Variants in COL13A1 observed in about 807,000 individuals in gnomAD.
COL13A1 encodes the protein collagen alpha-1(XIII) chain.
Under a neutral mutation model 130.9 loss-of-function variants are expected in COL13A1, and 89 were observed. That is an observed-to-expected ratio of 0.68 (90% CI 0.57 to 0.81). COL13A1 has a LOEUF of 0.81. COL13A1 is among the 30% of genes least tolerant of loss of function. The pLI, the probability that COL13A1 is intolerant of heterozygous loss-of-function variation, is 0.00. For missense variants in COL13A1, 879 were observed against 934.6 expected (o/e 0.94, Z 0.78); for synonymous variants, 402 against 341.6 (o/e 1.18, Z -1.95).
chr10:69,931,087 T>C, intron 30 of COL13A1: 1 of 444,626 alleles, frequency 2.2e-6, no homozygotes, highest in Non-Finnish European at 4.6e-6. Flanking sequence ...CCACATCCTG[T>C]GCAGGCCACA....
intron 2 of COL13A1, among the ~76,000 whole-genome samples, chr10:69,828,811 G>C (rs1018993996): frequency 2.0e-5 from 3 of 152,208 alleles, no homozygotes; most frequent in Admixed American, 1.3e-4. Flanking sequence ...CAAGTAATTT[G>C]TCCTAAAATG....
At chr10:69,885,416 A>G (rs569978067) in intron 7 of COL13A1, among the ~76,000 whole-genome samples, 1 of 152,356 alleles carries the variant, frequency 6.6e-6, no homozygotes, top group African/African-American at 2.4e-5. Context: ...ATAATTGAAG[A>G]GACATAAATT....
intron 2 of COL13A1, among the ~76,000 whole-genome samples, chr10:69,861,553 C>T (rs1378479803): frequency 6.6e-6 from 1 of 152,162 alleles, no homozygotes; most frequent in East Asian, 1.9e-4. Context: ...GCCTCTCCAC[C>T]TCCGTCTCTG....
intron 21 of COL13A1, among the ~76,000 whole-genome samples, chr10:69,921,015 T>C (rs2064594016): frequency 6.6e-6 from 1 of 152,044 alleles, no homozygotes; most frequent in South Asian, 2.1e-4. Context: ...TAGGGAAGTG[T>C]ATTATTTTGC....
At chr10:69,830,498 A>G (rs1848559607) in intron 2 of COL13A1, among the ~76,000 whole-genome samples, 1 of 152,258 alleles carries the variant, frequency 6.6e-6, no homozygotes, top group South Asian at 2.1e-4. Context: ...GAGAATATTT[A>G]CAATATAAGT....
intron 14 of COL13A1, among the ~76,000 whole-genome samples, chr10:69,900,906 G>A (rs182505335): frequency 6.6e-5 from 10 of 152,258 alleles, no homozygotes; most frequent in East Asian, 5.8e-4. Context: ...GACTTGTGAC[G>A]TTATGAAGAT....
At chr10:69,865,915 C>T (rs1278638255) in intron 2 of COL13A1, among the ~76,000 whole-genome samples, 7 of 152,126 alleles carry the variant, frequency 4.6e-5, no homozygotes, top group Non-Finnish European at 2.9e-5. Flanking sequence ...GCTGCATGGC[C>T]CTGGGGAGTC....
At chr10:69,931,545 A>G (rs1327488088) in intron 30 of COL13A1, among the ~76,000 whole-genome samples, 2 of 152,148 alleles carry the variant, frequency 1.3e-5, no homozygotes, top group Admixed American at 1.3e-4. Context: ...TCCTCTAGGA[A>G]GTGGAAAGAG....
At chr10:69,905,063 C>G (rs1194131781) in intron 16 of COL13A1, 104 bp downstream of exon 16, 2 of 1,311,156 alleles carry the variant, frequency 1.5e-6, no homozygotes, top group Non-Finnish European at 2.1e-6. Context: ...AGAGAGGGAT[C>G]TCAGCTGAGA....
At position 69,802,147 on chromosome 10, in the gene COL13A1, G is replaced by T. The variant is rs1238703701; in HGVS notation, c.-277G>T. 2 of 401,864 alleles carry T rather than the reference G, an allele frequency of 5.0e-6. No individual in the cohort carries two copies. The highest frequency in any genetic ancestry group is 8.7e-6 in the Non-Finnish European group (2 of 229,478). The allele number at this position is 401,864 out of a possible 1,614,324, so 24.9% of individuals were successfully genotyped here. On this transcript the variant is annotated 5_prime_UTR_variant, in exon 1 of 41. Transcript: ENST00000645393. Reference sequence around the variant, plus strand: ...AGACTGGGCGGAGAGAAGGAGAGCCGGTCAGATTCCCCTAACTTTCCTGGA... The same window carrying T: ...AGACTGGGCGGAGAGAAGGAGAGCCTGTCAGATTCCCCTAACTTTCCTGGA...
At chr10:69,922,835 T>C (rs2064859412) in intron 23 of COL13A1, 41 bp downstream of exon 23, 1 of 1,397,078 alleles carries the variant, frequency 7.2e-7, no homozygotes, top group African/African-American at 1.5e-5. Flanking sequence ...GGTGCTTACC[T>C]GGGGACTTTG....
intron 30 of COL13A1, 63 bp downstream of exon 30, chr10:69,930,615 G>C: frequency 1.3e-6 from 2 of 1,542,118 alleles, no homozygotes; most frequent in Non-Finnish European, 1.7e-6. Flanking sequence ...CGCCAGCTTT[G>C]CAGGGCTTTG....
intron 30 of COL13A1, among the ~76,000 whole-genome samples, chr10:69,930,760 T>G (rs1020261150): frequency 6.6e-6 from 1 of 152,210 alleles, no homozygotes; most frequent in Admixed American, 6.5e-5. Context: ...ACCTGAGTTG[T>G]GCTCTGTCAT....
chr10:69,844,864 T>C (rs1397394022), intron 2 of COL13A1, among the ~76,000 whole-genome samples: 1 of 152,240 alleles, frequency 6.6e-6, no homozygotes, highest in African/African-American at 2.4e-5. Context: ...GCAGATGGGA[T>C]TGAGCTTTGC....
chr10:69,834,517 C>A (rs1209817761), intron 2 of COL13A1, among the ~76,000 whole-genome samples: 1 of 152,214 alleles, frequency 6.6e-6, no homozygotes, highest in Non-Finnish European at 1.5e-5. Flanking sequence ...AACAGATGAC[C>A]TTGGGCCTTG....
At chr10:69,929,164 C>G (rs895773586) in intron 28 of COL13A1, among the ~76,000 whole-genome samples, 165 bp downstream of exon 28, 4 of 149,758 alleles carry the variant, frequency 2.7e-5, no homozygotes, top group Non-Finnish European at 5.9e-5. Flanking sequence ...TGCTGTGGCT[C>G]TTCTAGCCAA....
At chr10:69,915,302 A>T (rs2063804445) in intron 17 of COL13A1, among the ~76,000 whole-genome samples, 1 of 152,164 alleles carries the variant, frequency 6.6e-6, no homozygotes, top group African/African-American at 2.4e-5. Context: ...CACAAGAAGG[A>T]AGTTAGTGTC....
At chr10:69,821,631 G>C (rs1846097355) in intron 1 of COL13A1, among the ~76,000 whole-genome samples, 1 of 152,166 alleles carries the variant, frequency 6.6e-6, no homozygotes, top group African/African-American at 2.4e-5. Context: ...GGCTAGTCTG[G>C]CCAACTTTGT....
chr10:69,880,498 C>T lies in COL13A1; in HGVS notation c.463-5C>T, dbSNP rs746025043. On this transcript the variant is annotated splice_region_variant and splice_polypyrimidine_tract_variant and intron_variant, in intron 6 of 40. Transcript: ENST00000645393. ...CTCCCTCTCCCCCTTCCTCTCTCCC[C>T]GCAGGGGTCCCCCGGAGACGCTGGG... The T allele has an allele frequency of 5.1e-5, 82 of 1,604,718 alleles. No homozygotes were observed. Among genetic ancestry groups the T allele is most frequent in the Non-Finnish European group, 6.3e-5 (74 of 1,171,870 alleles).
Sources: gnomAD v4.1 joint callset for allele counts (sites outside exome capture counted in the v4.1 genomes callset) on GRCh38, gnomAD v4.1.1 for gene constraint, MANE v1.5 for transcripts, NCBI Gene and HGNC (gene_info 2026-07-23, HGNC 2026-07-21) for gene names.